Variants in KLHDC1 observed in about 807,000 individuals in gnomAD.
KLHDC1 encodes the protein kelch domain containing 1, also known as kelch domain-containing protein 1.
A neutral mutation model predicts 68.3 loss-of-function variants in KLHDC1; 53 were observed. That is an observed-to-expected ratio of 0.78 (90% CI 0.62 to 0.98). The LOEUF (loss-of-function observed/expected upper bound fraction) is 0.98, where lower values mean the gene tolerates loss of function less well. Ranked by LOEUF, KLHDC1 falls within the 50% of genes least tolerant of loss-of-function variation. The pLI is 0.00. For missense variants in KLHDC1, 470 were observed against 492.3 expected (o/e 0.95, Z 0.43); for synonymous variants, 148 against 159.0 (o/e 0.93, Z 0.52).
chr14:49,707,464 C>A (rs1888084907), intron 1 of KLHDC1, among the ~76,000 whole-genome samples: 1 of 148,156 alleles, frequency 6.7e-6, no homozygotes, highest in Non-Finnish European at 1.5e-5. Context: ...TCTCCTGCCT[C>A]AGCCTTCTGA....
chr14:49,719,373 AT>A (rs999856707), intron 4 of KLHDC1, among the ~76,000 whole-genome samples: 1 of 150,318 alleles, frequency 6.7e-6, no homozygotes. Flanking sequence ...GGTTGACAGG[AT>A]TTTTTTTCTT....
intron 4 of KLHDC1, among the ~76,000 whole-genome samples, chr14:49,719,434 A>G (rs1888469825): frequency 6.7e-6 from 1 of 148,426 alleles, no homozygotes; most frequent in South Asian, 2.1e-4. Context: ...ATTTTTATTT[A>G]TATATATTTT....
At chr14:49,713,819 TATATATATATATATATATA>T (rs1888280252) in intron 4 of KLHDC1, among the ~76,000 whole-genome samples, 29 of 2,810 alleles carry the variant, frequency 0.01, no homozygotes, top group African/African-American at 0.013. Context: ...TATATATATA[TATATATATATATATATATA>T]TATATATATA....
intron 5 of KLHDC1, among the ~76,000 whole-genome samples, chr14:49,724,329 C>T (rs1888612760): frequency 6.6e-6 from 1 of 151,734 alleles, no homozygotes; most frequent in African/African-American, 2.4e-5. Context: ...GTCAGACTGG[C>T]CTCTAGATAA....
chr14:49,708,109 T>A (rs927497035), intron 1 of KLHDC1, among the ~76,000 whole-genome samples: 4 of 148,156 alleles, frequency 2.7e-5, no homozygotes, highest in Non-Finnish European at 6.0e-5. Context: ...CTCACTCTTT[T>A]GCCCAGGCTG....
chr14:49,693,326 CG>C, intron 1 of KLHDC1, 36 bp downstream of exon 1: 2 of 1,377,906 alleles, frequency 1.5e-6, no homozygotes. Flanking sequence ...AGACTCGCGC[CG>C]GGAGACCCTC....
chr14:49,723,992 G>A (rs1470648904), intron 5 of KLHDC1, 40 bp downstream of exon 5: 4 of 1,165,792 alleles, frequency 3.4e-6, no homozygotes, highest in South Asian at 2.7e-5. Context: ...CTCCAAGTCA[G>A]TATAGCCTTA....
chr14:49,729,189 A>G (rs766268666), intron 7 of KLHDC1, among the ~76,000 whole-genome samples, 180 bp downstream of exon 7: 3 of 152,236 alleles, frequency 2.0e-5, no homozygotes, highest in African/African-American at 7.2e-5. Context: ...ATAGATGATT[A>G]TAAATCATAT....
At chr14:49,746,048 G>C (rs1889192623) in intron 12 of KLHDC1, among the ~76,000 whole-genome samples, 1 of 152,148 alleles carries the variant, frequency 6.6e-6, no homozygotes, top group South Asian at 2.1e-4. Flanking sequence ...TATCAATGGG[G>C]CTGGAGAAGG....
At chr14:49,739,881 C>CA (rs767237196) in intron 10 of KLHDC1, among the ~76,000 whole-genome samples, 4 of 151,928 alleles carry the variant, frequency 2.6e-5, no homozygotes, top group Non-Finnish European at 5.9e-5. Flanking sequence ...AAAACAAAAA[C>CA]AAAAAACAGA....
intron 10 of KLHDC1, among the ~76,000 whole-genome samples, chr14:49,737,856 T>G (rs1224409339): frequency 1.7e-5 from 2 of 120,512 alleles, no homozygotes; most frequent in Non-Finnish European, 3.3e-5. Flanking sequence ...CAGAGCCAGA[T>G]CCTGTCTCAA....
intron 2 of KLHDC1, 40 bp downstream of exon 2, chr14:49,709,269 C>G (rs769668371): frequency 2.4e-6 from 2 of 850,728 alleles, no homozygotes; most frequent in African/African-American, 1.8e-5. Context: ...ATCTTAATAT[C>G]TATTATAAAT....
At chr14:49,699,244 T>C (rs1164225502) in intron 1 of KLHDC1, among the ~76,000 whole-genome samples, 1 of 151,940 alleles carries the variant, frequency 6.6e-6, no homozygotes, top group Non-Finnish European at 1.5e-5. Context: ...GTTTATTAAT[T>C]CAGTCAGTAG....
chr14:49,719,895 G>T (rs1257574941), intron 4 of KLHDC1, among the ~76,000 whole-genome samples: 1 of 151,816 alleles, frequency 6.6e-6, no homozygotes, highest in African/African-American at 2.4e-5. Context: ...TGCAGTCATG[G>T]CTCACTGCAG....
chr14:49,742,410 C>T (rs189591579), intron 11 of KLHDC1, among the ~76,000 whole-genome samples: 56 of 151,416 alleles, frequency 3.7e-4, no homozygotes, highest in African/African-American at 1.2e-3. Flanking sequence ...TGGCTCACGC[C>T]TGTAATCCCA....
chr14:49,735,611 T>A (rs1353002301), intron 10 of KLHDC1, among the ~76,000 whole-genome samples: 2 of 152,108 alleles, frequency 1.3e-5, no homozygotes, highest in African/African-American at 4.8e-5. Context: ...TTTTGAAATT[T>A]TTTTTTTTTA....
intron 1 of KLHDC1, among the ~76,000 whole-genome samples, chr14:49,703,341 T>C (rs1246378053): frequency 6.6e-6 from 1 of 151,654 alleles, no homozygotes. Flanking sequence ...TTTTCTTTCA[T>C]GAATTTTTTT....
intron 12 of KLHDC1, among the ~76,000 whole-genome samples, chr14:49,749,319 T>C (rs2139772704): frequency 1.3e-5 from 2 of 152,222 alleles, no homozygotes; most frequent in Middle Eastern, 6.8e-3. Context: ...AATCATTCAG[T>C]ATAATAAATC....
intron 12 of KLHDC1, among the ~76,000 whole-genome samples, chr14:49,748,696 A>C (rs1272341046): frequency 6.6e-6 from 1 of 152,092 alleles, no homozygotes; most frequent in Non-Finnish European, 1.5e-5. Context: ...ATAGTAAAAA[A>C]ATCACCTATG....
Sources: gnomAD v4.1 joint callset for allele counts (sites outside exome capture counted in the v4.1 genomes callset) on GRCh38, gnomAD v4.1.1 for gene constraint, MANE v1.5 for transcripts, NCBI Gene and HGNC (gene_info 2026-07-23, HGNC 2026-07-21) for gene names.